Variants in SLC28A3 observed in about 807,000 individuals in gnomAD.
SLC28A3 encodes the protein solute carrier family 28 member 3, also known as concentrative Na(+)-nucleoside cotransporter 3.
A neutral mutation model predicts 84.2 loss-of-function variants in SLC28A3; 68 were observed. That is an observed-to-expected ratio of 0.81 (90% CI 0.66 to 0.99). The LOEUF is 0.99. Among genes scored for constraint, SLC28A3 ranks in the 50% least tolerant of loss-of-function variants. The pLI, the probability that SLC28A3 is intolerant of heterozygous loss-of-function variation, is 0.00. For missense variants in SLC28A3, 712 were observed against 841.5 expected, an observed-to-expected ratio of 0.85 and a Z score of 1.90; for synonymous variants, 267 against 303.6, an observed-to-expected ratio of 0.88 and a Z score of 1.25.
chr9:84,331,386 T>C (rs1826780773), intron 1 of SLC28A3, among the ~76,000 whole-genome samples: 1 of 152,192 alleles, frequency 6.6e-6, no homozygotes, highest in Non-Finnish European at 1.5e-5. Flanking sequence ...ACATAGTTAC[T>C]TCCTACCTTA....
chr9:84,306,750 T>C (rs1488506047), intron 3 of SLC28A3, among the ~76,000 whole-genome samples: 4 of 151,982 alleles, frequency 2.6e-5, no homozygotes, highest in Non-Finnish European at 4.4e-5. Context: ...CAGACATGTA[T>C]TGATTGATAG....
intron 1 of SLC28A3, among the ~76,000 whole-genome samples, chr9:84,320,971 G>GAA (rs58560056): frequency 0.13 from 16,176 of 128,338 alleles, 1,460 homozygotes; most frequent in African/African-American, 0.24. Context: ...CATCTCAAAA[G>GAA]AAAAAAAAAA....
chr9:84,349,310 G>T, the SLC28A3 span, among the ~76,000 whole-genome samples: 1 of 152,154 alleles, frequency 6.6e-6, no homozygotes, highest in Admixed American at 6.5e-5. Flanking sequence ...GGCTTAGCTT[G>T]GGCTCAGAGG....
chr9:84,291,628 G>A (rs142375411), intron 10 of SLC28A3, among the ~76,000 whole-genome samples: 1,860 of 152,356 alleles, frequency 0.012, 36 homozygotes, highest in African/African-American at 0.042. Context: ...GAGCCACTGC[G>A]CCCAGCCGTA....
chr9:84,292,808 G>A, intron 9 of SLC28A3, 60 bp from the exon 10 acceptor site: 1 of 1,213,336 alleles, frequency 8.2e-7, no homozygotes, highest in South Asian at 1.6e-5. Flanking sequence ...AAACTTCAAA[G>A]TAGGGATTAA....
chr9:84,316,053 C>A (rs1387662010), intron 1 of SLC28A3, among the ~76,000 whole-genome samples: 3 of 151,656 alleles, frequency 2.0e-5, no homozygotes, highest in South Asian at 2.1e-4. Flanking sequence ...GATGAGGGTC[C>A]TGATTGAGCC....
At chr9:84,280,780 A>G (rs371756879) in intron 15 of SLC28A3, 21 bp downstream of exon 15, 100 of 1,612,532 alleles carry the variant, frequency 6.2e-5, no homozygotes, top group Middle Eastern at 1.6e-4. Context: ...TGTGTTGTTG[A>G]AGAATGTTCT....
At chr9:84,321,133 A>C (rs1371554582) in intron 1 of SLC28A3, among the ~76,000 whole-genome samples, 1 of 152,190 alleles carries the variant, frequency 6.6e-6, no homozygotes, top group Non-Finnish European at 1.5e-5. Context: ...TGACCTGTTT[A>C]GCCACGGTGA....
chr9:84,347,085 A>T, the SLC28A3 span, among the ~76,000 whole-genome samples: 1 of 151,812 alleles, frequency 6.6e-6, no homozygotes, highest in African/African-American at 2.4e-5. Context: ...CTGAGGCAGG[A>T]TAATAGCTTG....
chr9:84,287,917 AGT>A, intron 12 of SLC28A3, 129 bp downstream of exon 12: 1 of 1,224,058 alleles, frequency 8.2e-7, no homozygotes, highest in Non-Finnish European at 1.1e-6. Flanking sequence ...AAGTCTAAAT[AGT>A]CTTTGGACTA....
chr9:84,340,182 C>T (rs1163373132), intron 1 of SLC28A3, among the ~76,000 whole-genome samples: 1 of 152,096 alleles, frequency 6.6e-6, no homozygotes, highest in Non-Finnish European at 1.5e-5. Flanking sequence ...GACAGGGGCT[C>T]CAGGACTTGG....
At position 84,279,955 on chromosome 9, in the gene SLC28A3, CA is replaced by C; in HGVS notation, c.1828+19del. 6.2e-7 allele frequency: 1 copy of C among 1,611,686 alleles called. No homozygotes were observed. Among genetic ancestry groups the C allele is most frequent in the Non-Finnish European group, 8.5e-7 (1 of 1,179,080 alleles). ...CATTCATCCTGTGGGCACTGGGACA[CA>C]AAGGACAGGGTGCGGTACCTGCGAT... On this transcript the variant is annotated intron_variant, in intron 16 of 17. Transcript: ENST00000376238.
At chr9:84,303,358 T>C (rs1255743685) in intron 4 of SLC28A3, among the ~76,000 whole-genome samples, 2 of 152,216 alleles carry the variant, frequency 1.3e-5, no homozygotes, top group Non-Finnish European at 2.9e-5. Context: ...TTTGCTCTTG[T>C]TGCCCAGGAT....
At chr9:84,339,452 G>A (rs1454696881) in intron 1 of SLC28A3, among the ~76,000 whole-genome samples, 2 of 152,090 alleles carry the variant, frequency 1.3e-5, no homozygotes, top group Non-Finnish European at 2.9e-5. Flanking sequence ...GTTTCACTAT[G>A]TTGGCCAGGC....
the SLC28A3 span, among the ~76,000 whole-genome samples, chr9:84,359,081 G>C: frequency 1.3e-5 from 2 of 152,172 alleles, no homozygotes; most frequent in African/African-American, 4.8e-5. Context: ...TGGAATGACA[G>C]CACCTTCTGT....
At chr9:84,330,313 T>A (rs1826731031) in intron 1 of SLC28A3, among the ~76,000 whole-genome samples, 1 of 152,164 alleles carries the variant, frequency 6.6e-6, no homozygotes, top group South Asian at 2.1e-4. Context: ...AGAGGAGATA[T>A]TACTACTGAT....
At chr9:84,361,029 C>T in the SLC28A3 span, among the ~76,000 whole-genome samples, 2 of 152,044 alleles carry the variant, frequency 1.3e-5, no homozygotes, top group African/African-American at 4.8e-5. Flanking sequence ...AACAATTAAT[C>T]CCAAACCAGA....
At chr9:84,296,293 G>A (rs1385182879) in intron 8 of SLC28A3, among the ~76,000 whole-genome samples, 2 of 152,174 alleles carry the variant, frequency 1.3e-5, no homozygotes, top group African/African-American at 2.4e-5. Context: ...GTGAAATGCT[G>A]TATAAACTGC....
At chr9:84,281,019 A>G (rs1004665280) in intron 14 of SLC28A3, 137 bp from the exon 15 acceptor site, 1 of 773,584 alleles carries the variant, frequency 1.3e-6, no homozygotes, top group Non-Finnish European at 2.1e-6. Context: ...AATACCCATT[A>G]CTCCCTAGAC....
Sources: gnomAD v4.1 joint callset for allele counts (sites outside exome capture counted in the v4.1 genomes callset) on GRCh38, gnomAD v4.1.1 for gene constraint, MANE v1.5 for transcripts, NCBI Gene and HGNC (gene_info 2026-07-23, HGNC 2026-07-21) for gene names.